The following DCHS2 variants were observed in gnomAD, a reference collection of about 807,000 sequenced individuals.
DCHS2 encodes the protein dachsous cadherin-related 2.
In DCHS2, 142 loss-of-function variants were observed where a neutral mutation model predicts 182.4. That is an observed-to-expected ratio of 0.78 (90% CI 0.68 to 0.89). The LOEUF is 0.89. Among genes scored for constraint, DCHS2 ranks in the 40% least tolerant of loss-of-function variants. The probability of loss-of-function intolerance (pLI) is 0.00; values close to 1 mark genes in which losing one functional copy is unlikely to be tolerated. For missense variants in DCHS2, 4,319 were observed against 4,198.6 expected (o/e 1.03, Z -0.79); for synonymous variants, 1,740 against 1,663.3 (o/e 1.05, Z -1.12).
At position 154,333,290 on chromosome 4, in the gene DCHS2, T is replaced by C. The variant is rs946599743; in HGVS notation, c.2918A>G (p.Asn973Ser). The C allele has an allele frequency of 6.2e-6, 10 of 1,614,066 alleles. No homozygotes were observed. Among genetic ancestry groups the C allele is most frequent in the Non-Finnish European group, 7.6e-6 (9 of 1,180,034 alleles). Residue 973 changes from asparagine to serine, a missense_variant, in exon 5 of 20, where the codon AAT becomes AGT. By Grantham distance (46) the Asn-to-Ser change is conservative (BLOSUM62 1). Transcript: ENST00000357232. The part of the protein sequence containing the change: ...TEVNITVMDV[N>S]DNHPAFLRTS... ...CCTGAGGAACGCTGGGTGGTTGTCATTGACATCCATGACTGTTATGTTGAC... is the reference window on the plus strand; with the variant it reads ...CCTGAGGAACGCTGGGTGGTTGTCACTGACATCCATGACTGTTATGTTGAC...
chr4:154,242,096 T>A (rs933227313), intron 17 of DCHS2, among the ~76,000 whole-genome samples: 2 of 152,178 alleles, frequency 1.3e-5, no homozygotes, highest in African/African-American at 4.8e-5. Flanking sequence ...AGAGGACCAT[T>A]GTATAACCCA....
In DCHS2 at chr4:154,489,898, TG is replaced by T. The variant is rs767409155; in HGVS notation, c.1457del (p.Pro486GlnfsTer34). The T allele has an allele frequency of 2.6e-6, 4 of 1,540,386 alleles. No individual in the cohort carries two copies. The highest frequency in any genetic ancestry group is 1.7e-4 in the Middle Eastern group (1 of 5,924). On this transcript the variant is annotated frameshift_variant, in exon 1 of 20. Transcript: ENST00000357232. LOFTEE classifies it high-confidence loss of function. ...GDFALLPGGP[P>X]GVFFLCVEGP... ...CCTCCACGCAAAGGAAAAATACCCC[TG>T]GGGGGCCGCCGGGTAGCAACGCGAA...
chr4:154,377,674 C>T (rs1367497566), intron 1 of DCHS2, among the ~76,000 whole-genome samples: 4 of 152,156 alleles, frequency 2.6e-5, no homozygotes, highest in Non-Finnish European at 5.9e-5. Context: ...CCACTCCTAT[C>T]TTTTCAGATG....
At chr4:154,257,046 A>C (rs1355326982) in intron 15 of DCHS2, among the ~76,000 whole-genome samples, 1 of 152,154 alleles carries the variant, frequency 6.6e-6, no homozygotes, top group Non-Finnish European at 1.5e-5. Flanking sequence ...TTAAGAGATC[A>C]AGACCATCCT....
At chr4:154,479,329 G>C (rs1735821834) in intron 1 of DCHS2, among the ~76,000 whole-genome samples, 1 of 151,872 alleles carries the variant, frequency 6.6e-6, no homozygotes, top group East Asian at 1.9e-4. Context: ...CAGATCTAAA[G>C]GTCTAACATA....
At chr4:154,367,646 T>G (rs1178305353) in intron 2 of DCHS2, among the ~76,000 whole-genome samples, 2 of 152,204 alleles carry the variant, frequency 1.3e-5, no homozygotes, top group African/African-American at 4.8e-5. Flanking sequence ...TTTGACACTT[T>G]CATCTTTGAC....
intron 1 of DCHS2, among the ~76,000 whole-genome samples, chr4:154,472,784 C>A (rs776145994): frequency 9.2e-5 from 14 of 151,718 alleles, no homozygotes; most frequent in Non-Finnish European, 1.8e-4. Flanking sequence ...ACACAAACAC[C>A]CACACATACA....
At chr4:154,400,478 G>A (rs910946873) in intron 1 of DCHS2, among the ~76,000 whole-genome samples, 2 of 151,696 alleles carry the variant, frequency 1.3e-5, no homozygotes, top group Non-Finnish European at 2.9e-5. Flanking sequence ...GGGTGGTTGA[G>A]TTATTTGATG....
intron 16 of DCHS2, 91 bp downstream of exon 16, chr4:154,255,417 TTTACAATAAGC>T (rs1385323404): frequency 2.1e-6 from 3 of 1,429,442 alleles, no homozygotes; most frequent in Non-Finnish European, 2.8e-6. Context: ...GATAACACAT[TTTACAATAAGC>T]TTACGTAACA....
chr4:154,408,469 T>C (rs1191684475), intron 1 of DCHS2, among the ~76,000 whole-genome samples: 1 of 152,198 alleles, frequency 6.6e-6, no homozygotes, highest in East Asian at 1.9e-4. Context: ...AAATAGGCCA[T>C]CATTATTTTG....
At chr4:154,246,634 T>C (rs938862669) in intron 16 of DCHS2, among the ~76,000 whole-genome samples, 1 of 152,136 alleles carries the variant, frequency 6.6e-6, no homozygotes, top group African/African-American at 2.4e-5. Context: ...AAAACAATTC[T>C]AATTAATACC....
At chr4:154,251,678 C>T (rs1446235317) in intron 16 of DCHS2, among the ~76,000 whole-genome samples, 1 of 152,112 alleles carries the variant, frequency 6.6e-6, no homozygotes, top group African/African-American at 2.4e-5. Context: ...GCCACCATGC[C>T]TGGCTAATTT....
Position 154,297,897 on chromosome 4 carries a change from G to A in DCHS2, c.6417C>T (p.Phe2139=). 2 of 1,614,018 alleles carry A rather than the reference G, an allele frequency of 1.2e-6. No homozygotes were observed. Among genetic ancestry groups the A allele is most frequent in the Non-Finnish European group, 1.7e-6 (2 of 1,179,952 alleles). ...HMEGEDVKIS[F]SHHLYKGLVT... ...CGAGCCCTTTATACAGGTGGTGGCT[G>A]AAGGAAATCTTTACATCTTCTCCTT... The change falls in exon 13 of 20, where the codon TTC becomes TTT. Residue 2139 remains phenylalanine (F), a synonymous_variant. Transcript: ENST00000357232.
At chr4:154,287,665 T>G (rs1734465264) in intron 13 of DCHS2, among the ~76,000 whole-genome samples, 1 of 151,992 alleles carries the variant, frequency 6.6e-6, no homozygotes, top group South Asian at 2.1e-4. Flanking sequence ...TTTCTTTAAG[T>G]AGAGATGGGT....
intron 13 of DCHS2, among the ~76,000 whole-genome samples, chr4:154,290,105 C>T (rs542539661): frequency 5.3e-5 from 8 of 152,174 alleles, no homozygotes; most frequent in Non-Finnish European, 7.4e-5. Context: ...TTGCAGAATA[C>T]GAAATCAACC....
chr4:154,297,348 C>A (rs1226072431), intron 13 of DCHS2, among the ~76,000 whole-genome samples: 1 of 152,180 alleles, frequency 6.6e-6, no homozygotes, highest in African/African-American at 2.4e-5. Flanking sequence ...CTTCAGATGT[C>A]TTGACATGTA....
chr4:154,243,490 A>G (rs183787867), intron 16 of DCHS2, among the ~76,000 whole-genome samples: 48 of 152,298 alleles, frequency 3.2e-4, no homozygotes, highest in African/African-American at 1.1e-3. Flanking sequence ...TCAACTAATT[A>G]TGTATCTTAT....
Position 154,454,128 on chromosome 4 carries a change from T to TGC in DCHS2, c.2052+35174_2052+35175dup, listed in dbSNP as rs999763686. On this transcript the variant is annotated intron_variant, in intron 1 of 19. Transcript: ENST00000357232. ...TGTTCAAATAGCATTTATACACACA[T>TGC]GCGCGCGCACACACACACACACACA... Among the ~76,000 whole-genome samples the TGC allele has an allele frequency of 9.0e-3, 687 of 76,172 alleles. 5 individuals are homozygous for TGC. The highest frequency in any genetic ancestry group is 0.026 in the African/African-American group (655 of 25,512). The allele number at this position is 76,172 out of a possible 152,430, so 50.0% of individuals were successfully genotyped here.
chr4:154,235,069 T>C lies in DCHS2; in HGVS notation c.9583A>G (p.Ser3195Gly). The change falls in exon 20 of 20, where the codon AGC (serine) becomes GGC (glycine). Residue 3195 changes from serine (S) to glycine (G), a missense_variant. Transcript: ENST00000357232. Reference sequence around the variant, plus strand: ...TCTTTTCTAACGTCAGCCAGGATGCTCTCTTTTGCCTCTCTCTTCTGAACT... The same window carrying C: ...TCTTTTCTAACGTCAGCCAGGATGCCCTCTTTTGCCTCTCTCTTCTGAACT... ...QTVQKREAKE[S>G]ILADVRKESV... The C allele has an allele frequency of 1.2e-6, 2 of 1,613,932 alleles. No individual in the cohort carries two copies. Among genetic ancestry groups the C allele is most frequent in the Non-Finnish European group, 1.7e-6 (2 of 1,179,944 alleles).
Sources: gnomAD v4.1 joint callset for allele counts (sites outside exome capture counted in the v4.1 genomes callset) on GRCh38, gnomAD v4.1.1 for gene constraint, MANE v1.5 for transcripts, NCBI Gene and HGNC (gene_info 2026-07-23, HGNC 2026-07-21) for gene names.